The following SVEP1 variants were observed in gnomAD, a reference collection of about 807,000 sequenced individuals.
SVEP1 encodes the protein sushi, von Willebrand factor type A, EGF and pentraxin domain containing 1, also known as sushi, von Willebrand factor type A, EGF and pentraxin domain-containing protein 1.
In SVEP1, 164 loss-of-function variants were observed where a neutral mutation model predicts 367.3. That is an observed-to-expected ratio of 0.45 (90% CI 0.39 to 0.51). The LOEUF (loss-of-function observed/expected upper bound fraction) is 0.51, where lower values mean the gene tolerates loss of function less well. Ranked by LOEUF, SVEP1 falls within the 20% of genes least tolerant of loss-of-function variation. The pLI is 0.00. For synonymous variants in SVEP1, 1,666 were observed against 1,611.6 expected, an observed-to-expected ratio of 1.03 and a Z score of -0.81; for missense variants, 4,117 against 4,425.3, an observed-to-expected ratio of 0.93 and a Z score of 1.98.
chr9:110,488,782 G>A (rs527516534), intron 9 of SVEP1, among the ~76,000 whole-genome samples: 1 of 152,308 alleles, frequency 6.6e-6, no homozygotes, highest in South Asian at 2.1e-4. Context: ...GCTAAGGCAG[G>A]AGGATTGCTT....
At position 110,407,191 on chromosome 9, in the gene SVEP1, G is replaced by A. The variant is rs775349847; in HGVS notation, c.8409C>T (p.Pro2803=). The change falls in exon 38 of 48, where the codon CCC becomes CCT. Residue 2803 remains proline (P), a synonymous_variant. Transcript: ENST00000374469. ...YLSTLYYECD[P]GYVLNGTERR... ...TCTCAGTGCCATTCAGCACATATCC[G>A]GGGTCACACTCATAGTACAACGTGC... The A allele has an allele frequency of 1.4e-5, 22 of 1,613,786 alleles. No individual in the cohort carries two copies. The highest frequency in any genetic ancestry group is 1.6e-4 in the Middle Eastern group (1 of 6,084).
At chr9:110,395,494 A>G in intron 40 of SVEP1, among the ~76,000 whole-genome samples, 1 of 152,220 alleles carries the variant, frequency 6.6e-6, no homozygotes. Context: ...TCAAATTCAC[A>G]CATAACAATA....
At chr9:110,463,119 C>G (rs1303610968) in intron 18 of SVEP1, among the ~76,000 whole-genome samples, 1 of 151,934 alleles carries the variant, frequency 6.6e-6, no homozygotes, top group Non-Finnish European at 1.5e-5. Flanking sequence ...ACTTCCTGAG[C>G]CTCCTTTTAA....
In SVEP1 at chr9:110,407,979, T is replaced by C; in HGVS notation, c.7621A>G (p.Thr2541Ala). ...EGPSALTCLE[T>A]GDWDVDAPSC... ...GGGGCATCTACATCCCAATCACCTGTCTCTAAACAGGTCAAGGCACTGGGA... is the reference window on the plus strand; with the variant it reads ...GGGGCATCTACATCCCAATCACCTGCCTCTAAACAGGTCAAGGCACTGGGA... Residue 2541 changes from threonine to alanine, a missense_variant, in exon 38 of 48, where the codon ACA (threonine) becomes GCA (alanine). Physicochemically the swap from Thr to Ala is moderately conservative, Grantham distance 58. This residue lies in a region of SVEP1 where 1,765 missense variants were observed against 1,781.1 expected (regional missense o/e 0.99). Coordinates refer to ENST00000374469, the MANE Select transcript of SVEP1 (RefSeq NM_153366.4). The C allele has an allele frequency of 6.2e-7, 1 of 1,613,986 alleles. No homozygotes were observed. The highest frequency in any genetic ancestry group is 8.5e-7 in the Non-Finnish European group (1 of 1,179,890).
intron 1 of SVEP1, among the ~76,000 whole-genome samples, chr9:110,561,864 A>G (rs535136623): frequency 2.0e-5 from 3 of 152,342 alleles, no homozygotes; most frequent in Admixed American, 6.5e-5. Flanking sequence ...CTTGGGCTTC[A>G]TAGACTGAGA....
intron 24 of SVEP1, among the ~76,000 whole-genome samples, chr9:110,448,947 T>C (rs1470031082): frequency 6.6e-6 from 1 of 152,214 alleles, no homozygotes; most frequent in African/African-American, 2.4e-5. Flanking sequence ...GGGGCTGAAC[T>C]AGAAGAAAGG....
intron 18 of SVEP1, among the ~76,000 whole-genome samples, chr9:110,459,929 A>G (rs1192834222): frequency 6.6e-6 from 1 of 152,032 alleles, no homozygotes; most frequent in African/African-American, 2.4e-5. Flanking sequence ...ATTATTTTAT[A>G]TATTAAGAAT....
intron 27 of SVEP1, among the ~76,000 whole-genome samples, chr9:110,440,660 T>A (rs1282359020): frequency 6.6e-6 from 1 of 152,160 alleles, no homozygotes; most frequent in Non-Finnish European, 1.5e-5. Context: ...CAGACCTGGA[T>A]CTTGAGGATT....
chr9:110,499,182 A>G lies in SVEP1; in HGVS notation c.1540T>C (p.Cys514Arg). Residue 514 changes from cysteine (C) to arginine (R), a missense_variant, in exon 7 of 48, where the codon TGT becomes CGT. Around this residue, in one of 4 missense-constraint regions of SVEP1, gnomAD observed 2,174 missense variants for 2,494.3 expected, o/e 0.87. Transcript: ENST00000374469. ...PKDVIISPHN[C>R]GKQPAKFGTI... ...CCAAATTTGGCTGGCTGCTTGCCAC[A>G]GTTGTGGGGGGATATGATGACATCT... The G allele has an allele frequency of 6.2e-7, 1 of 1,613,604 alleles. No homozygotes were observed. The highest frequency in any genetic ancestry group is 8.5e-7 in the Non-Finnish European group (1 of 1,179,726).
At chr9:110,556,293 G>GT (rs1830356884) in intron 1 of SVEP1, among the ~76,000 whole-genome samples, 1 of 152,098 alleles carries the variant, frequency 6.6e-6, no homozygotes, top group East Asian at 1.9e-4. Flanking sequence ...CAAGAGAACT[G>GT]TTTTGAAAAA....
At chr9:110,382,010 A>AT (rs992229941) in intron 43 of SVEP1, among the ~76,000 whole-genome samples, 2 of 151,628 alleles carry the variant, frequency 1.3e-5, no homozygotes, top group Non-Finnish European at 2.9e-5. Context: ...TACAACCCCT[A>AT]TTTTTTTCCT....
At chr9:110,424,154 G>A (rs560065699) in intron 36 of SVEP1, among the ~76,000 whole-genome samples, 1 of 152,278 alleles carries the variant, frequency 6.6e-6, no homozygotes, top group East Asian at 1.9e-4. Context: ...TCGTGTCTAG[G>A]TCAGAGATGT....
intron 30 of SVEP1, among the ~76,000 whole-genome samples, chr9:110,433,326 T>C (rs917390984): frequency 1.5e-4 from 20 of 129,862 alleles, no homozygotes; most frequent in African/African-American, 6.1e-4. Flanking sequence ...ACAAAATCCC[T>C]GCCTTATGGA....
intron 33 of SVEP1, 43 bp from the exon 34 acceptor site, chr9:110,430,047 G>A (rs752416271): frequency 6.3e-7 from 1 of 1,578,946 alleles, no homozygotes; most frequent in Non-Finnish European, 8.6e-7. Flanking sequence ...TTGAGACTGT[G>A]TGCAAAAATC....
intron 25 of SVEP1, among the ~76,000 whole-genome samples, 156 bp from the exon 26 acceptor site, chr9:110,446,194 T>C (rs761491060): frequency 1.1e-4 from 17 of 152,216 alleles, no homozygotes; most frequent in Non-Finnish European, 2.1e-4. Context: ...ACAAAATACA[T>C]AGTGCATTCT....
At chr9:110,534,532 G>GT (rs1481818968) in intron 3 of SVEP1, among the ~76,000 whole-genome samples, 1 of 152,116 alleles carries the variant, frequency 6.6e-6, no homozygotes, top group Non-Finnish European at 1.5e-5. Context: ...ATTCCGTTGG[G>GT]TATGTGCCCA....
At chr9:110,510,642 T>C (rs1349425688) in intron 5 of SVEP1, among the ~76,000 whole-genome samples, 3 of 152,134 alleles carry the variant, frequency 2.0e-5, no homozygotes, top group East Asian at 3.9e-4. Flanking sequence ...GAGGCTTGAT[T>C]ATGGAGGGTG....
chr9:110,393,576 A>G (rs1410344131), intron 40 of SVEP1, among the ~76,000 whole-genome samples: 1 of 152,230 alleles, frequency 6.6e-6, no homozygotes, highest in Non-Finnish European at 1.5e-5. Flanking sequence ...TCACCCGGGA[A>G]GCACAAGGGG....
Position 110,459,010 on chromosome 9 carries a change from G to A in SVEP1, c.3426C>T (p.Ala1142=), listed in dbSNP as rs748656672. 3.1e-6 allele frequency: 5 copies of A among 1,613,876 alleles called. No individual in the cohort carries two copies. Among genetic ancestry groups the A allele is most frequent in the South Asian group, 1.1e-5 (1 of 91,078 alleles). ...QPNAGKAFCL[A]CPFYGTTPFA... is the part of the protein sequence containing the mutation. ...ATGGGGTAGTTCCATAAAAGGGACA[G>A]GCCAGGCAGAAGGCCTTCCCTGCAT... is the stretch of plus-strand genomic sequence containing the variant. Residue 1142 remains alanine, a synonymous_variant, in exon 19 of 48, where the codon GCC becomes GCT. Transcript: ENST00000374469.
Sources: gnomAD v4.1 joint callset for allele counts (sites outside exome capture counted in the v4.1 genomes callset) on GRCh38, gnomAD v4.1.1 for gene constraint, gnomAD v4.1.1 regional missense constraint, MANE v1.5 for transcripts, NCBI Gene and HGNC (gene_info 2026-07-23, HGNC 2026-07-21) for gene names.